OLFM3: variants seen among roughly 807,000 people sequenced by gnomAD.
The protein encoded by OLFM3 is noelin-3.
A neutral mutation model predicts 48.6 loss-of-function variants in OLFM3; 20 were observed. The ratio of observed to expected loss-of-function variants is 0.41; its 90% CI spans 0.29 to 0.60. OLFM3 has a LOEUF of 0.60. Ranked by LOEUF, OLFM3 falls within the 20% of genes least tolerant of loss-of-function variation. The probability of loss-of-function intolerance (pLI) is 0.28; values close to 1 mark genes in which losing one functional copy is unlikely to be tolerated. For missense variants in OLFM3, 437 were observed against 544.3 expected, an observed-to-expected ratio of 0.80 and a Z score of 1.96; for synonymous variants, 222 against 198.1, an observed-to-expected ratio of 1.12 and a Z score of -1.01.
At chr1:101,828,628 G>A (rs548531168) in intron 3 of OLFM3, among the ~76,000 whole-genome samples, 2 of 152,092 alleles carry the variant, frequency 1.3e-5, no homozygotes, top group South Asian at 2.1e-4. Flanking sequence ...CTGTCTTCTC[G>A]CAAAAGTTCC....
intron 1 of OLFM3, among the ~76,000 whole-genome samples, chr1:101,992,050 T>C (rs1267774355): frequency 6.6e-6 from 1 of 152,104 alleles, no homozygotes; most frequent in African/African-American, 2.4e-5. Context: ...CCTCATTCTA[T>C]AGGTATGGGC....
chr1:101,827,521 A>G (rs952271027), intron 3 of OLFM3, among the ~76,000 whole-genome samples: 3 of 152,076 alleles, frequency 2.0e-5, no homozygotes, highest in African/African-American at 7.2e-5. Context: ...GGGTAGGAAG[A>G]TTTTTTAAAA....
intron 1 of OLFM3, among the ~76,000 whole-genome samples, chr1:101,844,210 A>AT (rs1324827210): frequency 2.0e-5 from 3 of 152,096 alleles, no homozygotes; most frequent in African/African-American, 4.8e-5. Context: ...AGAAAGGAGG[A>AT]TTTTTTTCTT....
At chr1:101,907,749 G>A (rs1440548540) in intron 1 of OLFM3, among the ~76,000 whole-genome samples, 6 of 152,188 alleles carry the variant, frequency 3.9e-5, no homozygotes, top group Admixed American at 1.3e-4. Context: ...GGGATATTTC[G>A]TGGTTACCTA....
intron 1 of OLFM3, among the ~76,000 whole-genome samples, chr1:101,924,143 A>C (rs1171316373): frequency 1.3e-5 from 2 of 152,188 alleles, no homozygotes; most frequent in Non-Finnish European, 2.9e-5. Context: ...TTAGAAAATG[A>C]ACCAGCTTCG....
At chr1:101,917,174 G>A (rs1221202647) in intron 1 of OLFM3, among the ~76,000 whole-genome samples, 3 of 152,106 alleles carry the variant, frequency 2.0e-5, no homozygotes, top group Admixed American at 6.5e-5. Flanking sequence ...TAAGTCAAGA[G>A]TTAAGATCAC....
In OLFM3 at chr1:101,919,950, T is replaced by C. The variant is rs997051460; in HGVS notation, c.69+76798A>G. On this transcript the variant is annotated intron_variant, in intron 1 of 5. Transcript: ENST00000370103. The stretch of plus-strand genomic sequence containing the variant: ...TCTATCTCAGTAAATGGCAACTCTA[T>C]TCTGGCAGATGTTCAGGCCTAAAGC... Among the ~76,000 whole-genome samples, 4 of 152,322 alleles carry C rather than the reference T, an allele frequency of 2.6e-5. No homozygotes were observed. The East Asian group carries it at 7.7e-4, about 29-fold the overall frequency.
intron 1 of OLFM3, among the ~76,000 whole-genome samples, chr1:101,904,194 A>G (rs529543949): frequency 1.3e-4 from 20 of 152,088 alleles, no homozygotes; most frequent in Non-Finnish European, 2.5e-4. Flanking sequence ...TCTTGAAGAA[A>G]CTGTTTAAGA....
intron 1 of OLFM3, among the ~76,000 whole-genome samples, chr1:101,887,190 C>T (rs1412401018): frequency 6.7e-6 from 1 of 150,172 alleles, no homozygotes; most frequent in Non-Finnish European, 1.5e-5. Flanking sequence ...AACAAAAAGC[C>T]ATGAATCAAA....
At chr1:101,883,308 TAC>T (rs1657609418) in intron 1 of OLFM3, among the ~76,000 whole-genome samples, 1 of 149,808 alleles carries the variant, frequency 6.7e-6, no homozygotes, top group Admixed American at 6.7e-5. Flanking sequence ...ATAATATATA[TAC>T]ACACATATAT....
In OLFM3 at chr1:101,842,967, A is replaced by C. The variant is rs181268564; in HGVS notation, c.70-5942T>G. ...CCTCCTTAATTTGTTCAGTTGCCCT[A>C]TCACGAAATGAGCATTACCTAAGAG... On this transcript the variant is annotated intron_variant, in intron 1 of 5. Coordinates refer to ENST00000370103, the MANE Select transcript of OLFM3 (RefSeq NM_058170.4). Among the ~76,000 whole-genome samples the C allele has an allele frequency of 1.4e-4, 22 of 152,308 alleles. No homozygotes were observed. In the South Asian group the frequency reaches 2.9e-3, roughly 20 times the overall value.
intron 4 of OLFM3, among the ~76,000 whole-genome samples, chr1:101,824,380 T>G (rs554094758): frequency 4.3e-4 from 65 of 152,240 alleles, no homozygotes; most frequent in African/African-American, 1.5e-3. Flanking sequence ...AAAGAGTTTG[T>G]AACTCAGACC....
chr1:101,933,062 C>A (rs1382293650), intron 1 of OLFM3, among the ~76,000 whole-genome samples: 1 of 151,742 alleles, frequency 6.6e-6, no homozygotes, highest in Non-Finnish European at 1.5e-5. Flanking sequence ...ATTAGCCAGG[C>A]ATTGTGGCGG....
chr1:101,858,179 A>G (rs113103860), intron 1 of OLFM3, among the ~76,000 whole-genome samples: 138 of 152,178 alleles, frequency 9.1e-4, no homozygotes, highest in Middle Eastern at 6.8e-3. Context: ...TTTCTCTCAT[A>G]TATTTTCCCT....
chr1:101,880,823 T>A (rs1428003893), intron 1 of OLFM3, among the ~76,000 whole-genome samples: 1 of 151,848 alleles, frequency 6.6e-6, no homozygotes, highest in Admixed American at 6.6e-5. Context: ...TGTGCCTCCC[T>A]TCATATTAAT....
chr1:101,913,484 C>T (rs149458007), intron 1 of OLFM3, among the ~76,000 whole-genome samples: 29 of 152,228 alleles, frequency 1.9e-4, no homozygotes, highest in East Asian at 9.6e-4. Flanking sequence ...TGAGTGGGAA[C>T]GTTCTGCCAT....
At chr1:101,874,431 G>C (rs1302862816) in intron 1 of OLFM3, among the ~76,000 whole-genome samples, 39 of 151,600 alleles carry the variant, frequency 2.6e-4, no homozygotes, top group Non-Finnish European at 1.5e-5. Context: ...ACTGCAGTCA[G>C]CTGTTGCTAT....
chr1:101,813,674 G>A (rs1654185912), intron 4 of OLFM3, among the ~76,000 whole-genome samples: 1 of 152,042 alleles, frequency 6.6e-6, no homozygotes, highest in Non-Finnish European at 1.5e-5. Flanking sequence ...TCTTCTCTCT[G>A]TCAGGTTGCT....
chr1:101,884,428 G>A (rs1657660271), intron 1 of OLFM3, among the ~76,000 whole-genome samples: 1 of 151,680 alleles, frequency 6.6e-6, no homozygotes. Context: ...TGAGAAAAAA[G>A]GACACCTTTC....
Sources: gnomAD v4.1 joint callset for allele counts (sites outside exome capture counted in the v4.1 genomes callset) on GRCh38, gnomAD v4.1.1 for gene constraint, MANE v1.5 for transcripts, NCBI Gene and HGNC (gene_info 2026-07-23, HGNC 2026-07-21) for gene names.